Variants in EPM2A observed in about 807,000 individuals in gnomAD.
EPM2A encodes the protein laforin.
Under a neutral mutation model 26.5 loss-of-function variants are expected in EPM2A, and 21 were observed. The ratio of observed to expected loss-of-function variants is 0.79; its 90% CI spans 0.56 to 1.14. EPM2A has a LOEUF of 1.14. EPM2A is among the 50% of genes most tolerant of loss of function. The probability of loss-of-function intolerance (pLI) is 0.00; values close to 1 mark genes in which losing one functional copy is unlikely to be tolerated. For missense variants in EPM2A, 458 were observed against 440.8 expected, an observed-to-expected ratio of 1.04 and a Z score of -0.35; for synonymous variants, 217 against 177.6, an observed-to-expected ratio of 1.22 and a Z score of -1.76.
At chr6:145,638,252 T>C (rs1172701575) in intron 2 of EPM2A, 1 of 152,198 alleles carries the variant, frequency 6.6e-6, no homozygotes, top group African/African-American at 2.4e-5. Context: ...CAGGATTGCA[T>C]AAAAGCTCAA....
chr6:145,388,490 T>C (rs1378752449), intron 4 of EPM2A, among the ~76,000 whole-genome samples: 1 of 152,220 alleles, frequency 6.6e-6, no homozygotes, highest in Non-Finnish European at 1.5e-5. Flanking sequence ...CAATTTCTTT[T>C]TTTTTATTGT....
intron 1 of EPM2A, among the ~76,000 whole-genome samples, chr6:145,725,006 G>T (rs753043894): frequency 2.6e-5 from 4 of 151,900 alleles, no homozygotes. Flanking sequence ...TAATAGTTTT[G>T]TTTTGCAATG....
intron 2 of EPM2A, among the ~76,000 whole-genome samples, chr6:145,585,323 A>AT (rs938386565): frequency 7.2e-5 from 11 of 151,896 alleles, no homozygotes; most frequent in Non-Finnish European, 1.2e-4. Context: ...TCCTCAAATA[A>AT]TTTTTTTTAC....
At chr6:145,452,533 G>A (rs570327309) in intron 4 of EPM2A, among the ~76,000 whole-genome samples, 3 of 145,786 alleles carry the variant, frequency 2.1e-5, no homozygotes, top group Admixed American at 6.8e-5. Context: ...ATAGCCGGGC[G>A]TTGTGGCGGG....
chr6:145,437,744 T>C (rs1218700779), intron 4 of EPM2A, among the ~76,000 whole-genome samples: 1 of 152,210 alleles, frequency 6.6e-6, no homozygotes, highest in Non-Finnish European at 1.5e-5. Flanking sequence ...AATAGTATAA[T>C]ACCAAGAGAG....
chr6:145,712,819 A>T (rs1396319118), intron 1 of EPM2A, among the ~76,000 whole-genome samples: 1 of 152,174 alleles, frequency 6.6e-6, no homozygotes, highest in Non-Finnish European at 1.5e-5. Flanking sequence ...ATCATTAGGC[A>T]TCCACCTTAC....
intron 2 of EPM2A, among the ~76,000 whole-genome samples, chr6:145,564,783 C>T (rs1232143167): frequency 8.8e-6 from 1 of 114,228 alleles, no homozygotes; most frequent in Non-Finnish European, 1.8e-5. Context: ...TGGGGGGGGG[C>T]AGGGGGTGTG....
rs1298612446 is a variant in EPM2A, at chr6:145,680,095, A to C, written c.476+6027T>G. On this transcript the variant is annotated intron_variant, in intron 2 of 3. Transcript: ENST00000367519. The stretch of plus-strand genomic sequence containing the variant: ...ATTTATCATTTACCTGAAGTTAAGT[A>C]GCAAATTATGAACTTAAAGAGATGA... 2.0e-5 allele frequency: 3 copies of C among 152,130 alleles called. 1 individual carries two copies. The highest frequency in any genetic ancestry group is 1.3e-4 in the Admixed American group (2 of 15,250). The allele number at this position is 152,130 out of a possible 1,614,324, so 9.4% of individuals were successfully genotyped here. A position where few individuals can be genotyped will look rare whatever the true frequency, so the allele number is the denominator to read the frequency against.
At chr6:145,560,869 A>G (rs148275047) in intron 2 of EPM2A, among the ~76,000 whole-genome samples, 40 of 152,146 alleles carry the variant, frequency 2.6e-4, no homozygotes, top group African/African-American at 8.4e-4. Flanking sequence ...TTTATTATTT[A>G]ATTATTTTAA....
At chr6:145,670,859 C>T in intron 2 of EPM2A, 2 of 973,082 alleles carry the variant, frequency 2.1e-6, no homozygotes, top group Non-Finnish European at 2.4e-6. Flanking sequence ...AAAAAAGGTA[C>T]TCTTAGAGAA....
Position 145,716,593 on chromosome 6 carries a change from C to T in EPM2A, c.301+18605G>A, listed in dbSNP as rs182832275. ...GACCCTACCCCTATCCTGGAGTGGC[C>T]GCCCCACAGCCTCCTGCAGCTGCCA... is the stretch of plus-strand genomic sequence containing the variant. On this transcript the variant is annotated intron_variant, in intron 1 of 3. Coordinates refer to ENST00000367519, the MANE Select transcript of EPM2A (RefSeq NM_005670.4). Among the ~76,000 whole-genome samples, 24 of 152,200 alleles carry T rather than the reference C, an allele frequency of 1.6e-4. No individual in the cohort carries two copies. The East Asian group carries it at 3.1e-3, about 20-fold the overall frequency.
chr6:145,570,767 A>C (rs1184704242), intron 2 of EPM2A, among the ~76,000 whole-genome samples: 2 of 152,196 alleles, frequency 1.3e-5, no homozygotes, highest in East Asian at 3.8e-4. Flanking sequence ...GTAGTTTCCC[A>C]TTGACCTTAA....
chr6:145,675,664 T>G (rs1251667741), intron 2 of EPM2A, among the ~76,000 whole-genome samples: 2 of 152,018 alleles, frequency 1.3e-5, no homozygotes, highest in African/African-American at 2.4e-5. Context: ...GACTTTAAAC[T>G]AACAAAGATT....
At chr6:145,515,308 C>T (rs1411696370) in intron 2 of EPM2A, among the ~76,000 whole-genome samples, 1 of 152,164 alleles carries the variant, frequency 6.6e-6, no homozygotes, top group African/African-American at 2.4e-5. Flanking sequence ...GGGTGGCCTA[C>T]TGAAATCTTA....
At chr6:145,605,051 T>A (rs1775200633) in intron 2 of EPM2A, among the ~76,000 whole-genome samples, 1 of 152,128 alleles carries the variant, frequency 6.6e-6, no homozygotes, top group Non-Finnish European at 1.5e-5. Context: ...CATTGTTTAA[T>A]GGAAAAGCAA....
At chr6:145,688,064 A>G (rs1781048744) in intron 1 of EPM2A, among the ~76,000 whole-genome samples, 1 of 152,130 alleles carries the variant, frequency 6.6e-6, no homozygotes, top group African/African-American at 2.4e-5. Context: ...TCATTCTTCT[A>G]CAGATATTTA....
chr6:145,663,870 A>G (rs1778944824), intron 2 of EPM2A, among the ~76,000 whole-genome samples: 1 of 84,168 alleles, frequency 1.2e-5, no homozygotes. Context: ...CAACATTCTT[A>G]AAGAAAAGAA....
At chr6:145,517,651 G>A (rs555953143) in intron 2 of EPM2A, among the ~76,000 whole-genome samples, 3 of 152,270 alleles carry the variant, frequency 2.0e-5, no homozygotes, top group South Asian at 4.1e-4. Flanking sequence ...TATATGATTG[G>A]TAGGCAATAT....
At chr6:145,410,213 T>C (rs1181899387) in intron 4 of EPM2A, among the ~76,000 whole-genome samples, 1 of 152,204 alleles carries the variant, frequency 6.6e-6, no homozygotes, top group Non-Finnish European at 1.5e-5. Flanking sequence ...ACCTAGAGGC[T>C]GAAGTGGCAC....
Sources: gnomAD v4.1 joint callset for allele counts (sites outside exome capture counted in the v4.1 genomes callset) on GRCh38, gnomAD v4.1.1 for gene constraint, MANE v1.5 for transcripts, NCBI Gene and HGNC (gene_info 2026-07-23, HGNC 2026-07-21) for gene names.